DDX60: variants seen among roughly 807,000 people sequenced by gnomAD.
DDX60 encodes probable ATP-dependent RNA helicase DDX60.
In DDX60, 165 loss-of-function variants were observed where a neutral mutation model predicts 212.8. The ratio of observed to expected loss-of-function variants is 0.78; its 90% confidence interval spans 0.68 to 0.88. The LOEUF is 0.88. DDX60 is among the 40% of genes least tolerant of loss of function. The pLI is 0.00. For synonymous variants in DDX60, 703 were observed against 685.3 expected, an observed-to-expected ratio of 1.03 and a Z score of -0.40; for missense variants, 1,905 against 2,003.9, an observed-to-expected ratio of 0.95 and a Z score of 0.94.
chr4:168,257,737 A>G (rs956795881), intron 25 of DDX60, among the ~76,000 whole-genome samples: 3 of 152,246 alleles, frequency 2.0e-5, no homozygotes, highest in Non-Finnish European at 4.4e-5. Context: ...AAGAAAAAAT[A>G]TCTCCAAATA....
intron 9 of DDX60, 138 bp from the exon 10 acceptor site, chr4:168,287,341 A>C: frequency 1.4e-6 from 1 of 720,884 alleles, no homozygotes; most frequent in Non-Finnish European, 2.3e-6. Context: ...TCCACACTGG[A>C]CATAAATGAA....
chr4:168,257,456 T>G (rs946891268), intron 25 of DDX60, among the ~76,000 whole-genome samples: 28 of 152,242 alleles, frequency 1.8e-4, no homozygotes, highest in Admixed American at 5.2e-4. Context: ...CCAGATTCAG[T>G]GACCTGCCCA....
At position 168,221,394 on chromosome 4, in the gene DDX60, C is replaced by T. The variant is rs924277000; in HGVS notation, c.4976+336G>A. Among the ~76,000 whole-genome samples, 17 of 152,104 alleles carry T rather than the reference C, an allele frequency of 1.1e-4. 1 individual carries two copies. Among genetic ancestry groups the T allele is most frequent in the Admixed American group, 3.9e-4 (6 of 15,254 alleles). ...GGAGAGCATGCCATTATTTGTTATT[C>T]AGTTTTAAAATATCTAATAATGAAT... On this transcript the variant is annotated intron_variant, in intron 36 of 37. Transcript: ENST00000393743.
intron 22 of DDX60, among the ~76,000 whole-genome samples, chr4:168,263,849 G>A (rs1734726417): frequency 6.6e-6 from 1 of 152,006 alleles, no homozygotes; most frequent in Non-Finnish European, 1.5e-5. Context: ...CTGTTGAATG[G>A]GCTAAGAGAG....
Position 168,306,523 on chromosome 4 carries a change from T to A in DDX60, c.462A>T (p.Gln154His). The change falls in exon 5 of 38, where the codon CAA becomes CAT. Residue 154 changes from glutamine to histidine, a missense_variant. By Grantham distance (24) the Gln-to-His change is conservative. Transcript: ENST00000393743. ...IVADEGLNDLQTQLFNFLIIH... is the reference protein window; with the variant it reads ...IVADEGLNDLHTQLFNFLIIH... ...TGATTAAAAAGTTGAAAAGCTGTGTTTGTAGATCGTTCAGGCCTTCGTCTG... is the reference window on the plus strand; with the variant it reads ...TGATTAAAAAGTTGAAAAGCTGTGTATGTAGATCGTTCAGGCCTTCGTCTG... 2 of 1,614,144 alleles carry A rather than the reference T, an allele frequency of 1.2e-6. No homozygotes were observed. The highest frequency in any genetic ancestry group is 1.7e-6 in the Non-Finnish European group (2 of 1,180,016).
chr4:168,264,238 C>T (rs1011372123), intron 22 of DDX60, among the ~76,000 whole-genome samples: 1 of 152,178 alleles, frequency 6.6e-6, no homozygotes, highest in Non-Finnish European at 1.5e-5. Context: ...ACCCTAAAGA[C>T]TGCAGTGAGA....
At chr4:168,301,641 A>G (rs2149545508) in intron 6 of DDX60, among the ~76,000 whole-genome samples, 1 of 152,326 alleles carries the variant, frequency 6.6e-6, no homozygotes, top group East Asian at 1.9e-4. Flanking sequence ...AATTCCAAGG[A>G]AAGAGTGAAA....
chr4:168,260,439 A>G (rs1217285806), intron 25 of DDX60, among the ~76,000 whole-genome samples: 1 of 152,148 alleles, frequency 6.6e-6, no homozygotes, highest in Non-Finnish European at 1.5e-5. Flanking sequence ...ACGATAGGGA[A>G]CTTTGTATAA....
chr4:168,259,280 T>G (rs766531714), intron 25 of DDX60, among the ~76,000 whole-genome samples: 66 of 152,352 alleles, frequency 4.3e-4, no homozygotes, highest in Admixed American at 3.1e-3. Flanking sequence ...GTTTCTGTTT[T>G]GCAGTGAGGC....
At position 168,268,971 on chromosome 4, in the gene DDX60, T is replaced by G; in HGVS notation, c.2671-2A>C. On this transcript the variant is annotated splice_acceptor_variant, in intron 19 of 37. Coordinates refer to ENST00000393743, the MANE Select transcript of DDX60 (RefSeq NM_017631.6). LOFTEE classifies it high-confidence loss of function. ...AATTTCTCCACCAAGACAATGAACC[T>G]ATTAAACAAAAAAAAAAAAATCTCA... 1 of 1,452,274 alleles carries G rather than the reference T, an allele frequency of 6.9e-7. No homozygotes were observed. The highest frequency in any genetic ancestry group is 9.2e-7 in the Non-Finnish European group (1 of 1,090,116). 90.0% of individuals were successfully genotyped at this position (1,452,274 alleles called of 1,614,324 possible).
intron 12 of DDX60, 127 bp from the exon 13 acceptor site, chr4:168,283,733 C>T: frequency 3.0e-6 from 2 of 666,496 alleles, no homozygotes; most frequent in Non-Finnish European, 4.8e-6. Context: ...CATTATCTTT[C>T]TTAAAGAGAG....
chr4:168,237,330 A>C lies in DDX60; in HGVS notation c.4367T>G (p.Leu1456Arg). The change falls in exon 32 of 38, where the codon CTT becomes CGT. Residue 1456 changes from leucine to arginine, a missense_variant. Coordinates refer to ENST00000393743, the MANE Select transcript of DDX60 (RefSeq NM_017631.6). ...EPSNLVFVSF[L>R]VNGLFHDLCQ... ...GAGATCATGGAAGAGTCCATTTACA[A>C]GAAAACTGACAAAAACAAGATTAGA... 1 of 1,592,450 alleles carries C rather than the reference A, an allele frequency of 6.3e-7. No homozygotes were observed. The highest frequency in any genetic ancestry group is 8.5e-7 in the Non-Finnish European group (1 of 1,169,832).
rs1451833487 is a variant in DDX60 at position 168,302,363 on chromosome 4, T to C, written c.660A>G (p.Arg220=). The C allele has an allele frequency of 1.9e-6, 3 of 1,593,648 alleles. No individual in the cohort carries two copies. Among genetic ancestry groups the C allele is most frequent in the Non-Finnish European group, 2.6e-6 (3 of 1,170,416 alleles). The part of the protein sequence containing the change: ...AYTTLLNQLE[R]FKLSALAPLF... ...GAGGTGCTAATGCTGAAAGCTTAAA[T>C]CTTTCCAACTGGTTAAGCAGGGTTG... Residue 220 remains arginine, a synonymous_variant, in exon 6 of 38, where the codon AGA becomes AGG. Transcript: ENST00000393743.
chr4:168,252,685 T>C lies in DDX60; in HGVS notation c.3558-29A>G, dbSNP rs765292568. The C allele has an allele frequency of 1.9e-6, 3 of 1,540,876 alleles. No homozygotes were observed. The South Asian group carries it at 3.6e-5, about 19-fold the overall frequency. On this transcript the variant is annotated intron_variant, in intron 26 of 37. Coordinates refer to ENST00000393743, the MANE Select transcript of DDX60 (RefSeq NM_017631.6). ...TTCATAAAAATAAAATTTTAATTAA[T>C]GAAATTGTAAATAATGAATGAAGTA...
At chr4:168,251,957 G>A (rs965363347) in intron 27 of DDX60, among the ~76,000 whole-genome samples, 1 of 152,164 alleles carries the variant, frequency 6.6e-6, no homozygotes, top group African/African-American at 2.4e-5. Context: ...ATAAGCATGA[G>A]TAATTTGCAT....
chr4:168,218,869 CA>C (rs1450848904), intron 37 of DDX60, among the ~76,000 whole-genome samples: 8 of 152,298 alleles, frequency 5.3e-5, no homozygotes, highest in African/African-American at 1.9e-4. Flanking sequence ...TCTTTGAATG[CA>C]AGTCACATTA....
chr4:168,219,655 G>T (rs1732980474), intron 37 of DDX60, among the ~76,000 whole-genome samples: 1 of 152,146 alleles, frequency 6.6e-6, no homozygotes, highest in Admixed American at 6.6e-5. Context: ...AATGGAGAGA[G>T]TTGTGGCAAA....
At chr4:168,269,405 T>C (rs1326250895) in intron 19 of DDX60, among the ~76,000 whole-genome samples, 1 of 152,096 alleles carries the variant, frequency 6.6e-6, no homozygotes, top group African/African-American at 2.4e-5. Context: ...GAGGCCATCC[T>C]GGCTAACACA....
intron 9 of DDX60, 117 bp from the exon 10 acceptor site, chr4:168,287,320 T>A (rs746853366): frequency 1.1e-6 from 1 of 892,594 alleles, no homozygotes; most frequent in Non-Finnish European, 1.8e-6. Flanking sequence ...ATAGTGAAAT[T>A]TTTAGTGAGT....
Sources: gnomAD v4.1 joint callset for allele counts (sites outside exome capture counted in the v4.1 genomes callset) on GRCh38, gnomAD v4.1.1 for gene constraint, MANE v1.5 for transcripts, NCBI Gene and HGNC (gene_info 2026-07-23, HGNC 2026-07-21) for gene names.